Variants in NF2 observed in about 807,000 individuals in gnomAD.
NF2 encodes NF2, moesin-ezrin-radixin like (MERLIN) tumor suppressor, also known as merlin.
NF2 carries 8 observed loss-of-function variants against 83.7 expected under a neutral mutation model. The observed-to-expected ratio is 0.10, with a 90% CI of 0.06 to 0.17. The LOEUF (loss-of-function observed/expected upper bound fraction) is 0.17. NF2 is among the 10% of genes least tolerant of loss of function. NF2 has a pLI of 1.00. For missense variants in NF2, 533 were observed against 744.4 expected, an observed-to-expected ratio of 0.72 and a Z score of 3.31; for synonymous variants, 266 against 269.6, an observed-to-expected ratio of 0.99 and a Z score of 0.13.
chr22:29,693,517 A>G (rs2067461705), intron 15 of NF2, among the ~76,000 whole-genome samples: 1 of 152,188 alleles, frequency 6.6e-6, no homozygotes, highest in South Asian at 2.1e-4. Flanking sequence ...AGCCGCCGAT[A>G]GTACCGAGGA....
At chr22:29,629,638 C>T (rs1168423633) in intron 1 of NF2, among the ~76,000 whole-genome samples, 1 of 152,196 alleles carries the variant, frequency 6.6e-6, no homozygotes, top group Non-Finnish European at 1.5e-5. Flanking sequence ...CCTTTTGTTG[C>T]TCTATCTGTA....
chr22:29,671,730 A>G (rs1443891221), intron 10 of NF2, 96 bp from the exon 11 acceptor site: 4 of 1,579,862 alleles, frequency 2.5e-6, no homozygotes, highest in Non-Finnish European at 3.5e-6. Flanking sequence ...AAAGGTCCCA[A>G]AAGGGGAGAC....
intron 4 of NF2, among the ~76,000 whole-genome samples, chr22:29,653,591 T>A (rs181140149): frequency 7.2e-5 from 11 of 152,306 alleles, no homozygotes; most frequent in African/African-American, 2.4e-4. Flanking sequence ...GATATGGGAA[T>A]GAGACATGAT....
At chr22:29,612,379 G>A (rs1434202289) in intron 1 of NF2, among the ~76,000 whole-genome samples, 1 of 151,666 alleles carries the variant, frequency 6.6e-6, no homozygotes, top group Non-Finnish European at 1.5e-5. Context: ...AACAAGTGCA[G>A]TGGTGCAATC....
intron 1 of NF2, among the ~76,000 whole-genome samples, chr22:29,611,931 TC>T (rs1353582470): frequency 6.6e-6 from 1 of 152,242 alleles, no homozygotes; most frequent in African/African-American, 2.4e-5. Context: ...TATCTTTTTT[TC>T]CATCCTCTGA....
chr22:29,617,814 C>A (rs914970656), intron 1 of NF2, among the ~76,000 whole-genome samples: 7 of 152,300 alleles, frequency 4.6e-5, no homozygotes, highest in Admixed American at 2.6e-4. Flanking sequence ...AAGGACCACA[C>A]TTTGAATAGC....
chr22:29,643,860 G>A (rs1289983498), intron 4 of NF2, among the ~76,000 whole-genome samples: 1 of 152,080 alleles, frequency 6.6e-6, no homozygotes, highest in Non-Finnish European at 1.5e-5. Context: ...CTTCCCAGTA[G>A]GGGCGGCCGG....
intron 14 of NF2, among the ~76,000 whole-genome samples, chr22:29,680,180 C>T (rs932322918): frequency 2.6e-5 from 4 of 151,794 alleles, no homozygotes; most frequent in East Asian, 2.0e-4. Context: ...GGTGCGATCT[C>T]GGCTCACTGT....
Position 29,695,244 on chromosome 22 carries a change from G to C in NF2, c.*442G>C, listed in dbSNP as rs970152108. On this transcript the variant is annotated 3_prime_UTR_variant, in exon 16 of 16. Coordinates refer to ENST00000338641, the MANE Select transcript of NF2 (RefSeq NM_000268.4). This position sits in a 1 kb window ranked among gnomAD's most constrained non-coding sequence, Gnocchi z 5.4. Reference sequence around the variant, plus strand: ...TTCCGGAACATTCATTCCCCCACCGGTGAGGACCTGGCATGCAGCGAAGCA... The same window carrying C: ...TTCCGGAACATTCATTCCCCCACCGCTGAGGACCTGGCATGCAGCGAAGCA... 2.9e-6 allele frequency: 1 copy of C among 350,032 alleles called. No individual in the cohort carries two copies. The highest frequency in any genetic ancestry group is 4.4e-5 in the East Asian group (1 of 22,966). The allele number at this position is 350,032 out of a possible 1,614,324, so 21.7% of individuals were successfully genotyped here. A position where few individuals can be genotyped will look rare whatever the true frequency, so the allele number is the denominator to read the frequency against.
At chr22:29,686,893 C>A (rs2067283157) in intron 15 of NF2, among the ~76,000 whole-genome samples, 1 of 152,140 alleles carries the variant, frequency 6.6e-6, no homozygotes, top group East Asian at 1.9e-4. Context: ...GGCATCTGAG[C>A]CTTCCGAGTG....
rs1601618525 is a variant in NF2, at chr22:29,658,191, A to T, written c.602A>T (p.Asp201Val). ...AGTGTCTTCCGTTCTCCCCACAGGGATGAAGCTGAAATGGAATATCTGAAG... is the reference window on the plus strand; with the variant it reads ...AGTGTCTTCCGTTCTCCCCACAGGGTTGAAGCTGAAATGGAATATCTGAAG... Reference protein sequence around the residue: ...WYAEHRGRARDEAEMEYLKIA... With the variant: ...WYAEHRGRARVEAEMEYLKIA... Residue 201 changes from aspartate to valine, a missense_variant and splice_region_variant, in exon 7 of 16, where the codon GAT (aspartate) becomes GTT (valine). Physicochemically the swap from Asp to Val is radical, Grantham distance 152 (BLOSUM62 -3). Around this residue, in one of 3 missense-constraint regions of NF2, gnomAD observed 326 missense variants for 475.1 expected, o/e 0.69. Coordinates refer to ENST00000338641, the MANE Select transcript of NF2 (RefSeq NM_000268.4). The T allele has an allele frequency of 2.5e-6, 4 of 1,614,088 alleles. No homozygotes were observed. The highest frequency in any genetic ancestry group is 3.4e-6 in the Non-Finnish European group (4 of 1,180,020).
rs775592670 is a variant in NF2 at position 29,658,267 on chromosome 22, G to A, written c.675+3G>A. On this transcript the variant is annotated splice_donor_region_variant and intron_variant, in intron 7 of 15. Coordinates refer to ENST00000338641, the MANE Select transcript of NF2 (RefSeq NM_000268.4). ...GTGTGAACTACTTTGCAATCCGGGT[G>A]TGTTGAAACCTCTCTGAGCTCCTTG... is the stretch of plus-strand genomic sequence containing the variant. 1 of 1,613,952 alleles carries A rather than the reference G, an allele frequency of 6.2e-7. No homozygotes were observed. Among genetic ancestry groups the A allele is most frequent in the African/African-American group, 1.3e-5 (1 of 75,040 alleles).
In NF2 at chr22:29,639,050, C is replaced by T. The variant is rs752936439; in HGVS notation, c.241-40C>T. 1.2e-5 allele frequency: 19 copies of T among 1,614,052 alleles called. 2 individuals are homozygous for T. The South Asian group carries it at 1.8e-4, about 15-fold the overall frequency. ...TTTGAGGGTAGCACAGGAGGAAGTG[C>T]CAATATAGTGTGTTTGTCTTTTGCT... On this transcript the variant is annotated intron_variant, in intron 2 of 15. Coordinates refer to ENST00000338641, the MANE Select transcript of NF2 (RefSeq NM_000268.4).
At position 29,694,853 on chromosome 22, in the gene NF2, G is replaced by A. The variant is rs554849830; in HGVS notation, c.*51G>A. ...TGCCACTTCTCCTGCTACCGGGACC[G>A]CGGGATGGACCAGATATCAAGAGAG... On this transcript the variant is annotated 3_prime_UTR_variant, in exon 16 of 16. Coordinates refer to ENST00000338641, the MANE Select transcript of NF2 (RefSeq NM_000268.4). The surrounding 1 kb of genome is among the most constrained non-coding windows in gnomAD (Gnocchi z 4.1). 8.6e-5 allele frequency: 135 copies of A among 1,577,472 alleles called. No homozygotes were observed. The highest frequency in any genetic ancestry group is 1.7e-4 in the Middle Eastern group (1 of 6,028).
intron 1 of NF2, among the ~76,000 whole-genome samples, chr22:29,604,572 T>A (rs1258566364): frequency 6.6e-6 from 1 of 152,200 alleles, no homozygotes; most frequent in Non-Finnish European, 1.5e-5. Context: ...TTCCACATAG[T>A]TTCCAACATG....
At position 29,694,979 on chromosome 22, in the gene NF2, A is replaced by G. The variant is rs2067507985; in HGVS notation, c.*177A>G. 3 of 688,392 alleles carry G rather than the reference A, an allele frequency of 4.4e-6. No individual in the cohort carries two copies. The South Asian group carries it at 4.7e-5, about 11-fold the overall frequency. 42.6% of individuals were successfully genotyped at this position (688,392 alleles called of 1,614,324 possible). On this transcript the variant is annotated 3_prime_UTR_variant, in exon 16 of 16. Coordinates refer to ENST00000338641, the MANE Select transcript of NF2 (RefSeq NM_000268.4). The surrounding 1 kb of genome is among the most constrained non-coding windows in gnomAD (Gnocchi z 4.1). ...CTCTTATGTGCAATTGCCTTGAACT[A>G]CGACCCTGTAGAGATTTCTCTCATG...
intron 1 of NF2, among the ~76,000 whole-genome samples, chr22:29,629,233 A>G (rs1180821143): frequency 6.6e-6 from 1 of 152,190 alleles, no homozygotes; most frequent in Non-Finnish European, 1.5e-5. Context: ...TGGTGATACC[A>G]TACCCTGAAT....
chr22:29,642,783 A>T (rs980542358), intron 4 of NF2, among the ~76,000 whole-genome samples: 1 of 152,104 alleles, frequency 6.6e-6, no homozygotes, highest in African/African-American at 2.4e-5. Flanking sequence ...TTTGCAAACA[A>T]GCTGCCTTGT....
intron 15 of NF2, among the ~76,000 whole-genome samples, chr22:29,686,321 C>T (rs967212454): frequency 6.6e-6 from 1 of 152,290 alleles, no homozygotes; most frequent in African/African-American, 2.4e-5. Flanking sequence ...TTAATTGCTA[C>T]GTGGCTGAAA....
Sources: allele counts gnomAD v4.1 joint callset (sites outside exome capture counted in the v4.1 genomes callset), GRCh38; gene constraint gnomAD v4.1.1; regional missense constraint gnomAD v4.1.1; non-coding constraint Gnocchi (gnomAD v3.1); transcripts MANE v1.5; gene names NCBI Gene and HGNC (gene_info 2026-07-23, HGNC 2026-07-21).